C12orf42: variants seen among roughly 807,000 people sequenced by gnomAD.
The protein encoded by C12orf42 is uncharacterized protein C12orf42.
A neutral mutation model predicts 21.6 loss-of-function variants in C12orf42; 25 were observed. That is an observed-to-expected ratio of 1.16 (90% confidence interval 0.84 to 1.62). The LOEUF (loss-of-function observed/expected upper bound fraction) is 1.62, where lower values mean the gene tolerates loss of function less well. Among genes scored for constraint, C12orf42 ranks in the 40% most tolerant of loss-of-function variants. The pLI is 0.00. For missense variants in C12orf42, 483 were observed against 459.3 expected (o/e 1.05, Z -0.47); for synonymous variants, 174 against 175.0 (o/e 0.99, Z 0.05).
the C12orf42 span, among the ~76,000 whole-genome samples, chr12:103,202,643 G>T: frequency 9.9e-5 from 15 of 152,234 alleles, no homozygotes; most frequent in Admixed American, 9.8e-4. Context: ...TCTAGTTACC[G>T]TTTTCCTGAC....
At chr12:103,407,924 C>G (rs558721532) in intron 2 of C12orf42, among the ~76,000 whole-genome samples, 2 of 152,094 alleles carry the variant, frequency 1.3e-5, no homozygotes, top group African/African-American at 2.4e-5. Context: ...GAGACTGGAC[C>G]AAGGGAATTG....
At chr12:103,054,663 G>C in the C12orf42 span, among the ~76,000 whole-genome samples, 1 of 151,818 alleles carries the variant, frequency 6.6e-6, no homozygotes. Flanking sequence ...CCAATATTAA[G>C]GGGAATATAT....
intron 4 of C12orf42, among the ~76,000 whole-genome samples, chr12:103,336,920 C>T (rs2137151548): frequency 6.6e-6 from 1 of 152,218 alleles, no homozygotes; most frequent in Non-Finnish European, 1.5e-5. Context: ...TTCTAGCACC[C>T]CACCTTCATC....
intron 4 of C12orf42, among the ~76,000 whole-genome samples, chr12:103,324,332 TTAA>T (rs1301034091): frequency 2.0e-5 from 3 of 152,140 alleles, no homozygotes; most frequent in East Asian, 1.9e-4. Context: ...TATCACTCTA[TTAA>T]TAATAAAATA....
the C12orf42 span, among the ~76,000 whole-genome samples, chr12:103,530,012 G>A: frequency 7.2e-5 from 11 of 152,108 alleles, no homozygotes; most frequent in African/African-American, 2.4e-4. Flanking sequence ...TAGTCAATAC[G>A]CTTAAGGCAC....
At position 103,451,430 on chromosome 12, in the gene C12orf42, T is replaced by C. The variant is rs184206532; in HGVS notation, c.78+26919A>G. On this transcript the variant is annotated intron_variant, in intron 2 of 5. Coordinates refer to ENST00000548883, the MANE Select transcript of C12orf42 (RefSeq NM_198521.5). ...GGTCTGTCTACGTTCCCAAGGCTAG[T>C]CTTCTGCTCCTGGGTTCAAGGGATC... Among the ~76,000 whole-genome samples, 8 of 152,030 alleles carry C rather than the reference T, an allele frequency of 5.3e-5. No individual in the cohort carries two copies. In the East Asian group the frequency reaches 1.5e-3, roughly 29 times the overall value.
rs146217482 is a variant in C12orf42 at position 103,421,025 on chromosome 12, C to A, written c.79-19350G>T. Reference sequence around the variant, plus strand: ...CTTTTATTTTATTGTACAACTTACTCACAAAAATACCTTTAAGTAATCACA... The same window carrying A: ...CTTTTATTTTATTGTACAACTTACTAACAAAAATACCTTTAAGTAATCACA... On this transcript the variant is annotated intron_variant, in intron 2 of 5. Transcript: ENST00000548883. 5.4e-3 allele frequency among the ~76,000 whole-genome samples: 817 copies of A among 152,234 alleles called. 7 individuals are homozygous for A. Among genetic ancestry groups the A allele is most frequent in the African/African-American group, 0.018 (762 of 41,540 alleles).
the C12orf42 span, among the ~76,000 whole-genome samples, chr12:103,560,288 GA>G: frequency 6.7e-5 from 1 of 15,026 alleles, no homozygotes; most frequent in Non-Finnish European, 2.0e-4. Context: ...TACCTTCAGG[GA>G]AAAGAAACTT....
chr12:103,557,383 CT>C, the C12orf42 span: 1 of 152,172 alleles, frequency 6.6e-6, no homozygotes, highest in African/African-American at 2.4e-5. Context: ...ATTTGATTAA[CT>C]GCTGATGTTA....
chr12:103,319,694 A>C (rs1003414017), intron 4 of C12orf42, among the ~76,000 whole-genome samples: 2 of 152,260 alleles, frequency 1.3e-5, no homozygotes, highest in African/African-American at 4.8e-5. Context: ...CGTCTGGCCA[A>C]TACATCTTCT....
chr12:103,134,446 T>C, the C12orf42 span, among the ~76,000 whole-genome samples: 1 of 151,980 alleles, frequency 6.6e-6, no homozygotes. Flanking sequence ...ATTCTAGAAC[T>C]GAAAAATTCA....
chr12:103,491,718 T>A (rs938974483), intron 1 of C12orf42, among the ~76,000 whole-genome samples: 4 of 152,220 alleles, frequency 2.6e-5, no homozygotes, highest in Non-Finnish European at 5.9e-5. Context: ...TCAGTCAATT[T>A]GATTGGAGAG....
intron 4 of C12orf42, among the ~76,000 whole-genome samples, chr12:103,332,794 T>C (rs998204549): frequency 6.6e-6 from 1 of 152,238 alleles, no homozygotes; most frequent in Non-Finnish European, 1.5e-5. Flanking sequence ...AAGTAATCTA[T>C]AGCCCATGGA....
At chr12:103,212,137 A>G in the C12orf42 span, among the ~76,000 whole-genome samples, 2 of 152,194 alleles carry the variant, frequency 1.3e-5, no homozygotes, top group African/African-American at 4.8e-5. Context: ...AAAGATAACC[A>G]TGTGTTACCT....
chr12:103,499,519 G>A (rs895860188), upstream of C12orf42, among the ~76,000 whole-genome samples: 1 of 152,172 alleles, frequency 6.6e-6, no homozygotes, highest in African/African-American at 2.4e-5. Context: ...CAAAACAATG[G>A]AGAAGAGAAA....
At chr12:103,349,491 A>G (rs746244387) in intron 4 of C12orf42, among the ~76,000 whole-genome samples, 4 of 152,204 alleles carry the variant, frequency 2.6e-5, no homozygotes, top group Non-Finnish European at 5.9e-5. Flanking sequence ...AAAAATCCTG[A>G]TAATTCAAAC....
At chr12:103,397,803 G>A (rs1417688468) in intron 3 of C12orf42, 1 of 152,072 alleles carries the variant, frequency 6.6e-6, no homozygotes, top group Non-Finnish European at 1.5e-5. Context: ...GTTGCCTAAT[G>A]GGTATAAACA....
intron 1 of C12orf42, among the ~76,000 whole-genome samples, chr12:103,489,621 C>A: frequency 6.6e-6 from 1 of 152,304 alleles, no homozygotes; most frequent in South Asian, 2.1e-4. Flanking sequence ...TTGAGCTTCC[C>A]GGCTGCTTTG....
intron 4 of C12orf42, among the ~76,000 whole-genome samples, chr12:103,294,611 AG>A (rs2037108451): frequency 6.8e-6 from 1 of 146,214 alleles, no homozygotes; most frequent in Admixed American, 6.7e-5. Context: ...AAAGAAAGAA[AG>A]AAAGAAAGAA....
Sources: gnomAD v4.1 joint callset for allele counts (sites outside exome capture counted in the v4.1 genomes callset) on GRCh38, gnomAD v4.1.1 for gene constraint, MANE v1.5 for transcripts, NCBI Gene and HGNC (gene_info 2026-07-23, HGNC 2026-07-21) for gene names.